KIF1A: variants seen among roughly 807,000 people sequenced by gnomAD.
KIF1A encodes kinesin family member 1A.
KIF1A carries 46 observed loss-of-function variants against 227.3 expected under a neutral mutation model. The observed-to-expected ratio is 0.20, with a 90% confidence interval of 0.16 to 0.26. The LOEUF is 0.26. KIF1A is among the 10% of genes least tolerant of loss of function. The probability of loss-of-function intolerance (pLI) is 1.00; values close to 1 mark genes in which losing one functional copy is unlikely to be tolerated. For missense variants in KIF1A, 1,683 were observed against 2,485.9 expected, an observed-to-expected ratio of 0.68 and a Z score of 6.87; for synonymous variants, 1,022 against 1,012.8, an observed-to-expected ratio of 1.01 and a Z score of -0.17.
chr2:240,718,302 A>T lies in KIF1A; in HGVS notation c.5215-134T>A, dbSNP rs148837260. 1.5e-4 allele frequency: 105 copies of T among 712,844 alleles called. No individual in the cohort carries two copies. The East Asian group carries it at 2.8e-3, about 19-fold the overall frequency. The allele number at this position is 712,844 out of a possible 1,614,324, so 44.2% of individuals were successfully genotyped here. ...CCCAGGGAGGGGACACGGAGGGGACAAAGAGGGGAAGGCTGACCCAGCCAG... is the reference window on the plus strand; with the variant it reads ...CCCAGGGAGGGGACACGGAGGGGACTAAGAGGGGAAGGCTGACCCAGCCAG... On this transcript the variant is annotated intron_variant, in intron 47 of 48. Transcript: ENST00000498729.
intron 14 of KIF1A, among the ~76,000 whole-genome samples, chr2:240,772,065 C>T (rs1048636209): frequency 1.3e-5 from 2 of 152,194 alleles, no homozygotes; most frequent in Non-Finnish European, 2.9e-5. Flanking sequence ...TGGCAGTATC[C>T]GCTGTGAAAG....
chr2:240,778,319 G>A lies in KIF1A; in HGVS notation c.883-2393C>T, dbSNP rs1049019190. On this transcript the variant is annotated intron_variant, in intron 10 of 48. Transcript: ENST00000498729. This position sits in a 1 kb window ranked among gnomAD's most constrained non-coding sequence, Gnocchi z 7.2. ...TCTCTACATAGGGCCTCGTTACACA[G>A]GCGTTCCTCACCATTCTCCACACGC... Among the ~76,000 whole-genome samples, 3 of 151,860 alleles carry A rather than the reference G, an allele frequency of 2.0e-5. No homozygotes were observed. The highest frequency in any genetic ancestry group is 6.6e-5 in the Admixed American group (1 of 15,260).
At chr2:240,734,298 G>T (rs2047072415) in intron 38 of KIF1A, among the ~76,000 whole-genome samples, 1 of 152,230 alleles carries the variant, frequency 6.6e-6, no homozygotes, top group African/African-American at 2.4e-5. Context: ...GAGCGGGGCT[G>T]GTCCTCACAG....
intron 12 of KIF1A, among the ~76,000 whole-genome samples, chr2:240,773,610 T>C: frequency 6.6e-6 from 1 of 152,166 alleles, no homozygotes; most frequent in East Asian, 1.9e-4. Flanking sequence ...AGCACATCTA[T>C]GTGTGCATAG....
intron 1 of KIF1A, among the ~76,000 whole-genome samples, chr2:240,802,406 T>C (rs543531746): frequency 2.0e-5 from 3 of 152,294 alleles, no homozygotes; most frequent in African/African-American, 7.2e-5. Context: ...GAAAACATAA[T>C]TGTCAAGTGG....
intron 16 of KIF1A, 105 bp downstream of exon 16, chr2:240,769,522 G>A: frequency 1.1e-6 from 1 of 918,596 alleles, no homozygotes. Flanking sequence ...ACCCCATGGT[G>A]CAGGTGCCCA....
chr2:240,750,636 C>A (rs1575571683), intron 27 of KIF1A, 89 bp from the exon 28 acceptor site: 2 of 937,686 alleles, frequency 2.1e-6, no homozygotes, highest in East Asian at 5.1e-5. Context: ...GCTCACGACA[C>A]AACATGGAGC....
chr2:240,750,287 G>A (rs2049062247), intron 28 of KIF1A, 142 bp downstream of exon 28: 1 of 638,086 alleles, frequency 1.6e-6, no homozygotes. Flanking sequence ...CCCAGGGAGA[G>A]TGGAGGGCCA....
intron 17 of KIF1A, among the ~76,000 whole-genome samples, chr2:240,768,223 G>A (rs2051453894): frequency 6.6e-6 from 1 of 152,222 alleles, no homozygotes; most frequent in African/African-American, 2.4e-5. Flanking sequence ...ATCCCTCCAG[G>A]AAGGGGATGG....
In KIF1A at chr2:240,738,396, G is replaced by A. The variant is rs189994160; in HGVS notation, c.3902-1228C>T. 6.6e-5 allele frequency among the ~76,000 whole-genome samples: 10 copies of A among 152,280 alleles called. No individual in the cohort carries two copies. In the East Asian group the frequency reaches 1.2e-3, roughly 18 times the overall value. Reference sequence around the variant, plus strand: ...TCTCTCCTCGACTTTCATCCCTTTCGCTGACCCTGTGCCCAGTCCTGTCCA... The same window carrying A: ...TCTCTCCTCGACTTTCATCCCTTTCACTGACCCTGTGCCCAGTCCTGTCCA... On this transcript the variant is annotated intron_variant, in intron 37 of 48. Transcript: ENST00000498729.
rs570153264 is a variant in KIF1A at position 240,727,009 on chromosome 2, GCAGA to G, written c.4008-73_4008-70del. On this transcript the variant is annotated intron_variant, in intron 38 of 48. Coordinates refer to ENST00000498729, the MANE Select transcript of KIF1A (RefSeq NM_001244008.2). Reference sequence around the variant, plus strand: ...CTGCTTTCAGCCAGGCCGGGGACATGCAGACAGACAGAGCGACAGACAAGGGGCA... The same window carrying G: ...CTGCTTTCAGCCAGGCCGGGGACATGCAGACAGAGCGACAGACAAGGGGCA... The G allele has an allele frequency of 7.3e-5, 66 of 900,666 alleles. No homozygotes were observed. The Admixed American group carries it at 1.1e-3, about 15-fold the overall frequency. 55.8% of individuals were successfully genotyped at this position (900,666 alleles called of 1,614,324 possible).
rs1417660314 is a variant in KIF1A, at chr2:240,781,931, C to CAGTTCT, written c.882+653_882+658dup. Reference sequence around the variant, plus strand: ...GCCGCACAGCTCTTCACAATTCACACAGTTCTCTGTCCCCACACAGCCACC... The same window carrying CAGTTCT: ...GCCGCACAGCTCTTCACAATTCACACAGTTCTAGTTCTCTGTCCCCACACAGCCACC... On this transcript the variant is annotated intron_variant, in intron 10 of 48. Coordinates refer to ENST00000498729, the MANE Select transcript of KIF1A (RefSeq NM_001244008.2). 5.1e-6 allele frequency: 5 copies of CAGTTCT among 985,308 alleles called. No individual in the cohort carries two copies. In the African/African-American group the frequency reaches 8.7e-5, roughly 17 times the overall value. 61.0% of individuals were successfully genotyped at this position (985,308 alleles called of 1,614,324 possible). A position where few individuals can be genotyped will look rare whatever the true frequency, so the allele number is the denominator to read the frequency against.
intron 6 of KIF1A, 112 bp from the exon 7 acceptor site, chr2:240,785,212 C>T: frequency 1.2e-6 from 1 of 847,136 alleles, no homozygotes; most frequent in Non-Finnish European, 1.9e-6. Context: ...TTCCCCCAGA[C>T]CCCAGGGGCC....
At chr2:240,727,280 G>A (rs931565771) in intron 38 of KIF1A, among the ~76,000 whole-genome samples, 23 of 152,318 alleles carry the variant, frequency 1.5e-4, no homozygotes, top group African/African-American at 5.5e-4. Flanking sequence ...GAGGGAGGCA[G>A]GACAGGGAGC....
intron 1 of KIF1A, among the ~76,000 whole-genome samples, chr2:240,807,332 A>G (rs2057519334): frequency 6.6e-6 from 1 of 152,012 alleles, no homozygotes; most frequent in African/African-American, 2.4e-5. Context: ...TAGTAGATAC[A>G]TGGTTTCTCC....
At position 240,766,743 on chromosome 2, in the gene KIF1A, TCTCTCTCACA is replaced by T. The variant is rs1246935681; in HGVS notation, c.1684+162_1684+171del. Among the ~76,000 whole-genome samples, 36 of 125,604 alleles carry T rather than the reference TCTCTCTCACA, an allele frequency of 2.9e-4. No homozygotes were observed. The highest frequency in any genetic ancestry group is 1.1e-3 in the African/African-American group (34 of 30,848). 82.4% of individuals were successfully genotyped at this position (125,604 alleles called of 152,430 possible). On this transcript the variant is annotated intron_variant, in intron 19 of 48. Coordinates refer to ENST00000498729, the MANE Select transcript of KIF1A (RefSeq NM_001244008.2). The surrounding 1 kb of genome is among the most constrained non-coding windows in gnomAD (Gnocchi z 5.0). Reference sequence around the variant, plus strand: ...CCAAATCTCTCTCTCTCTCTCTCTCTCTCTCTCACACACACACACACACACACACACACAC... The same window carrying T: ...CCAAATCTCTCTCTCTCTCTCTCTCTCACACACACACACACACACACACAC...
chr2:240,783,565 G>A (rs928777204), intron 8 of KIF1A, among the ~76,000 whole-genome samples, 174 bp downstream of exon 8: 2 of 152,166 alleles, frequency 1.3e-5, no homozygotes, highest in Non-Finnish European at 2.9e-5. Context: ...TGGTGCCCCG[G>A]GCATGGCCCT....
chr2:240,735,010 T>C (rs527740589), intron 38 of KIF1A, among the ~76,000 whole-genome samples: 1 of 152,220 alleles, frequency 6.6e-6, no homozygotes, highest in South Asian at 2.1e-4. Flanking sequence ...CGGCCCATCA[T>C]GGGGCTGAGG....
rs2052235783 is a variant in KIF1A at position 240,773,109 on chromosome 2, C to G, written c.1180+5G>C. 1 of 1,609,658 alleles carries G rather than the reference C, an allele frequency of 6.2e-7. No individual in the cohort carries two copies. Among genetic ancestry groups the G allele is most frequent in the African/African-American group, 1.3e-5 (1 of 74,868 alleles). On this transcript the variant is annotated splice_donor_5th_base_variant and intron_variant, in intron 13 of 48. Transcript: ENST00000498729. Reference sequence around the variant, plus strand: ...TGTCCAGGACAGGCTGGAGCAGGCACTCACTGTCAGTGATGTCGCCAAGAC... The same window carrying G: ...TGTCCAGGACAGGCTGGAGCAGGCAGTCACTGTCAGTGATGTCGCCAAGAC...
Sources: gnomAD v4.1 joint callset for allele counts (sites outside exome capture counted in the v4.1 genomes callset) on GRCh38, gnomAD v4.1.1 for gene constraint, Gnocchi (gnomAD v3.1) non-coding constraint, MANE v1.5 for transcripts, NCBI Gene and HGNC (gene_info 2026-07-23, HGNC 2026-07-21) for gene names.